Variants in ABCA1 observed in about 807,000 individuals in gnomAD.
The protein encoded by ABCA1 is ATP binding cassette subfamily A member 1.
A neutral mutation model predicts 262.5 loss-of-function variants in ABCA1; 133 were observed. That is an observed-to-expected ratio of 0.51 (90% CI 0.44 to 0.59). ABCA1 has a LOEUF of 0.59. Ranked by LOEUF, ABCA1 falls within the 20% of genes least tolerant of loss-of-function variation. ABCA1 has a pLI of 0.00. For synonymous variants in ABCA1, 1,022 were observed against 1,043.5 expected (o/e 0.98, Z 0.40); for missense variants, 2,452 against 2,777.5 (o/e 0.88, Z 2.63).
At position 104,802,058 on chromosome 9, in the gene ABCA1, G is replaced by C; in HGVS notation, c.4694C>G (p.Ala1565Gly). 1.2e-6 allele frequency: 2 copies of C among 1,613,956 alleles called. No homozygotes were observed. The highest frequency in any genetic ancestry group is 1.7e-6 in the Non-Finnish European group (2 of 1,179,900). The change falls in exon 34 of 50, where the codon GCC (alanine) becomes GGC (glycine). Residue 1565 changes from alanine (A) to glycine (G), a missense_variant. This residue lies in a region of ABCA1 where 752 missense variants were observed against 944.5 expected (regional missense o/e 0.80). Coordinates refer to ENST00000374736, the MANE Select transcript of ABCA1 (RefSeq NM_005502.4). ...ATCTTACGATAGATATTTTACCTTGGCCAGCTTTAGGTGTTTCTTCATTTG... is the reference window on the plus strand; with the variant it reads ...ATCTTACGATAGATATTTTACCTTGCCCAGCTTTAGGTGTTTCTTCATTTG... ...IKQMKKHLKL[A>G]KDSSADRFLN...
intron 25 of ABCA1, among the ~76,000 whole-genome samples, chr9:104,815,573 A>G (rs1831673517): frequency 6.6e-6 from 1 of 152,164 alleles, no homozygotes; most frequent in Admixed American, 6.5e-5. Flanking sequence ...TCTTTTTTTG[A>G]GAATTAAATG....
intron 5 of ABCA1, among the ~76,000 whole-genome samples, chr9:104,870,603 T>G (rs917408052): frequency 6.6e-6 from 1 of 152,036 alleles, no homozygotes; most frequent in Admixed American, 6.6e-5. Context: ...TAAGGGGTGA[T>G]TAAGTTATGT....
intron 20 of ABCA1, 103 bp from the exon 21 acceptor site, chr9:104,820,172 C>A: frequency 6.9e-7 from 1 of 1,440,112 alleles, no homozygotes; most frequent in East Asian, 2.3e-5. Flanking sequence ...TTTCTCTCCC[C>A]GTGCTTTTTA....
intron 2 of ABCA1, among the ~76,000 whole-genome samples, chr9:104,892,461 C>A (rs976586272): frequency 6.6e-6 from 1 of 151,998 alleles, no homozygotes; most frequent in Non-Finnish European, 1.5e-5. Flanking sequence ...TGCCAAAGAA[C>A]AAAACCATGA....
At chr9:104,835,855 C>A (rs1331308247) in intron 11 of ABCA1, among the ~76,000 whole-genome samples, 1 of 152,184 alleles carries the variant, frequency 6.6e-6, no homozygotes, top group African/African-American at 2.4e-5. Context: ...GACTAGGGAA[C>A]CATCTACTTG....
rs2118821819 is a variant in ABCA1, at chr9:104,781,271, A to C, written c.*3044T>G. The stretch of plus-strand genomic sequence containing the variant: ...GGGCCAATGATGAACAAAGAGCACA[A>C]AAACAGCTTCATCTTAGGGTATAAG... On this transcript the variant is annotated 3_prime_UTR_variant, in exon 50 of 50. Transcript: ENST00000374736. 6.5e-6 allele frequency: 1 copy of C among 152,754 alleles called. No homozygotes were observed. Among genetic ancestry groups the C allele is most frequent in the Middle Eastern group, 3.4e-3 (1 of 294 alleles). The allele number at this position is 152,754 out of a possible 1,614,324, so 9.5% of individuals were successfully genotyped here. A position where few individuals can be genotyped will look rare whatever the true frequency, so the allele number is the denominator to read the frequency against.
At chr9:104,895,160 C>T (rs1207052008) in intron 2 of ABCA1, among the ~76,000 whole-genome samples, 2 of 152,222 alleles carry the variant, frequency 1.3e-5, no homozygotes, top group African/African-American at 4.8e-5. Flanking sequence ...GCCTACCCAC[C>T]CAACCCCACA....
intron 7 of ABCA1, among the ~76,000 whole-genome samples, chr9:104,847,010 T>C (rs1036972576): frequency 1.3e-5 from 2 of 152,164 alleles, no homozygotes; most frequent in Non-Finnish European, 2.9e-5. Flanking sequence ...GAGATCTTAA[T>C]TGAAAGCTAT....
chr9:104,786,379 C>T lies in ABCA1; in HGVS notation c.6320G>A (p.Cys2107Tyr), dbSNP rs757347488. 2 of 1,614,096 alleles carry T rather than the reference C, an allele frequency of 1.2e-6. No homozygotes were observed. The highest frequency in any genetic ancestry group is 1.7e-6 in the Non-Finnish European group (2 of 1,179,954). The change falls in exon 48 of 50, where the codon TGT becomes TAT. Residue 2107 changes from cysteine (C) to tyrosine (Y), a missense_variant. Cys to Tyr is a radical substitution (Grantham distance 194, BLOSUM62 -2). Around this residue, in one of 4 missense-constraint regions of ABCA1, gnomAD observed 752 missense variants for 944.5 expected, o/e 0.80. Coordinates refer to ENST00000374736, the MANE Select transcript of ABCA1 (RefSeq NM_005502.4). The part of the protein sequence containing the change: ...VVLTSHSMEE[C>Y]EALCTRMAIM... ...TGCCATCCTAGTGCAAAGAGCTTCA[C>T]ATTCTTCCATACTGCGGTAAAACAG...
At chr9:104,888,335 C>T (rs746946061) in intron 3 of ABCA1, among the ~76,000 whole-genome samples, 1 of 152,104 alleles carries the variant, frequency 6.6e-6, no homozygotes, top group Non-Finnish European at 1.5e-5. Flanking sequence ...TTCCCAGCTA[C>T]GTAAATGTTG....
At chr9:104,871,879 G>A (rs1331616229) in intron 5 of ABCA1, among the ~76,000 whole-genome samples, 1 of 152,118 alleles carries the variant, frequency 6.6e-6, no homozygotes, top group East Asian at 1.9e-4. Flanking sequence ...AAAGGGACCA[G>A]ACACTTCAAA....
At chr9:104,907,835 G>A (rs1007371654) in intron 1 of ABCA1, among the ~76,000 whole-genome samples, 1 of 152,214 alleles carries the variant, frequency 6.6e-6, no homozygotes, top group Non-Finnish European at 1.5e-5. Context: ...CGAGGCGTAC[G>A]CTCTCTGGGT....
chr9:104,785,733 G>T, intron 48 of ABCA1, 94 bp from the exon 49 acceptor site: 2 of 1,522,588 alleles, frequency 1.3e-6, no homozygotes, highest in South Asian at 2.3e-5. Flanking sequence ...CCATGAAAAA[G>T]GGCGGCCCCT....
chr9:104,795,938 A>T (rs1031684515), intron 39 of ABCA1, 115 bp downstream of exon 39: 19 of 1,416,980 alleles, frequency 1.3e-5, no homozygotes, highest in Non-Finnish European at 1.8e-5. Flanking sequence ...AGACAGGACA[A>T]GGCAGTCAGC....
At chr9:104,858,414 C>T in intron 7 of ABCA1, 108 bp downstream of exon 7, 1 of 1,228,164 alleles carries the variant, frequency 8.1e-7, no homozygotes, top group Admixed American at 1.7e-5. Flanking sequence ...TCACAAACTC[C>T]CAGCCAGCCG....
intron 5 of ABCA1, among the ~76,000 whole-genome samples, chr9:104,877,058 G>GTAAA (rs1308577119): frequency 6.6e-6 from 1 of 152,160 alleles, no homozygotes; most frequent in African/African-American, 2.4e-5. Flanking sequence ...GAAAAATAAA[G>GTAAA]TAAATATTTT....
chr9:104,821,020 G>A (rs62566036), intron 20 of ABCA1, among the ~76,000 whole-genome samples: 299 of 152,248 alleles, frequency 2.0e-3, no homozygotes, highest in South Asian at 3.5e-3. Context: ...CGAGGTGGGC[G>A]GATCACGAGG....
Position 104,919,919 on chromosome 9 carries a change from C to T in ABCA1, c.-93+8016G>A, listed in dbSNP as rs115079701. On this transcript the variant is annotated intron_variant, in intron 1 of 49. Transcript: ENST00000374736. ...CGATCTGATCAGGAATGCTCTGAGGCATTCCCTGGTTATTTTTTCTTTACC... is the reference window on the plus strand; with the variant it reads ...CGATCTGATCAGGAATGCTCTGAGGTATTCCCTGGTTATTTTTTCTTTACC... Among the ~76,000 whole-genome samples the T allele has an allele frequency of 2.4e-3, 358 of 152,302 alleles. 1 individual carries two copies. Among genetic ancestry groups the T allele is most frequent in the African/African-American group, 7.8e-3 (326 of 41,572 alleles).
At chr9:104,838,245 G>C (rs1372700072) in intron 9 of ABCA1, among the ~76,000 whole-genome samples, 1 of 150,472 alleles carries the variant, frequency 6.6e-6, no homozygotes, top group Non-Finnish European at 1.5e-5. Flanking sequence ...AGAGGTTGCA[G>C]TGAGCCGAGA....
Sources: allele counts gnomAD v4.1 joint callset (sites outside exome capture counted in the v4.1 genomes callset), GRCh38; gene constraint gnomAD v4.1.1; regional missense constraint gnomAD v4.1.1; transcripts MANE v1.5; gene names NCBI Gene and HGNC (gene_info 2026-07-23, HGNC 2026-07-21).